Variants in BBS9 observed in about 807,000 individuals in gnomAD.
BBS9 encodes protein PTHB1.
A neutral mutation model predicts 117.7 loss-of-function variants in BBS9; 89 were observed. The ratio of observed to expected loss-of-function variants is 0.76; its 90% CI spans 0.64 to 0.90. The LOEUF (loss-of-function observed/expected upper bound fraction) is 0.90, where lower values mean the gene tolerates loss of function less well. Among genes scored for constraint, BBS9 ranks in the 40% least tolerant of loss-of-function variants. The probability of loss-of-function intolerance (pLI) is 0.00; values close to 1 mark genes in which losing one functional copy is unlikely to be tolerated. For missense variants in BBS9, 982 were observed against 1,042.2 expected (o/e 0.94, Z 0.80); for synonymous variants, 379 against 370.9 (o/e 1.02, Z -0.25).
intron 7 of BBS9, among the ~76,000 whole-genome samples, chr7:33,271,637 T>C (rs1799818516): frequency 6.6e-6 from 1 of 152,204 alleles, no homozygotes; most frequent in South Asian, 2.1e-4. Flanking sequence ...AGTAAAGGGT[T>C]CAATTCAACA....
intron 19 of BBS9, among the ~76,000 whole-genome samples, chr7:33,486,074 A>C (rs1291092680): frequency 6.6e-6 from 1 of 152,178 alleles, no homozygotes; most frequent in Non-Finnish European, 1.5e-5. Flanking sequence ...AAACCGAAGC[A>C]GCCTCCATCT....
chr7:33,264,318 G>A lies in BBS9; in HGVS notation c.646G>A (p.Ala216Thr). ...CCAGGTACTTGCTTTTGCAACAGAT[G>A]CAGATAAAAGGCAGGAGACTGAACA... The part of the protein sequence containing the change: ...KYQVLAFATD[A>T]DKRQETEQQK... The change falls in exon 7 of 23, where the codon GCA becomes ACA. Residue 216 changes from alanine (A) to threonine (T), a missense_variant. Ala to Thr is a moderately conservative substitution (Grantham distance 58, BLOSUM62 0). Transcript: ENST00000242067. 2 of 1,561,234 alleles carry A rather than the reference G, an allele frequency of 1.3e-6. No homozygotes were observed. The highest frequency in any genetic ancestry group is 1.7e-6 in the Non-Finnish European group (2 of 1,153,096).
intron 19 of BBS9, 104 bp downstream of exon 19, chr7:33,388,248 G>A (rs1826396533): frequency 7.1e-7 from 1 of 1,403,706 alleles, no homozygotes; most frequent in Non-Finnish European, 1.0e-6. Flanking sequence ...CATTTCCAGT[G>A]CTTTAAGGAA....
At chr7:33,408,210 C>T (rs566952085) in intron 19 of BBS9, among the ~76,000 whole-genome samples, 170 of 152,076 alleles carry the variant, frequency 1.1e-3, no homozygotes, top group Middle Eastern at 6.8e-3. Flanking sequence ...TAGCAATCAG[C>T]GAGACTCCAT....
At chr7:33,370,986 G>A (rs1287464445) in intron 17 of BBS9, among the ~76,000 whole-genome samples, 1 of 152,098 alleles carries the variant, frequency 6.6e-6, no homozygotes, top group African/African-American at 2.4e-5. Context: ...ACTAATAAAG[G>A]TAGAAATAAG....
intron 9 of BBS9, among the ~76,000 whole-genome samples, chr7:33,279,678 T>C (rs958202384): frequency 6.6e-6 from 1 of 152,206 alleles, no homozygotes; most frequent in Non-Finnish European, 1.5e-5. Context: ...GTTTATTACA[T>C]ACCAGTTCCA....
chr7:33,192,994 G>T (rs1256128443), intron 5 of BBS9, among the ~76,000 whole-genome samples: 1 of 152,138 alleles, frequency 6.6e-6, no homozygotes, highest in African/African-American at 2.4e-5. Flanking sequence ...TTTGGATGAC[G>T]TTCAGACCAT....
chr7:33,454,246 G>A (rs572615151), intron 19 of BBS9, among the ~76,000 whole-genome samples: 14 of 152,296 alleles, frequency 9.2e-5, no homozygotes, highest in South Asian at 8.3e-4. Context: ...ATAAAGAAAT[G>A]TATGAGTTCA....
intron 19 of BBS9, among the ~76,000 whole-genome samples, chr7:33,419,897 A>G (rs1225745003): frequency 1.3e-5 from 2 of 152,178 alleles, no homozygotes; most frequent in Non-Finnish European, 1.5e-5. Context: ...TCAAAGAGAA[A>G]AAAGAAAACA....
intron 4 of BBS9, among the ~76,000 whole-genome samples, chr7:33,173,271 G>A (rs1361983437): frequency 6.6e-6 from 1 of 152,100 alleles, no homozygotes; most frequent in African/African-American, 2.4e-5. Context: ...TTTATAAAGA[G>A]TCTTTTAATA....
At chr7:33,551,134 G>A (rs1563346595) in intron 21 of BBS9, among the ~76,000 whole-genome samples, 1 of 152,074 alleles carries the variant, frequency 6.6e-6, no homozygotes, top group Non-Finnish European at 1.5e-5. Context: ...GATATTTTTA[G>A]CATTTGTTAA....
At chr7:33,521,612 A>G (rs927217943) in intron 20 of BBS9, among the ~76,000 whole-genome samples, 3 of 131,332 alleles carry the variant, frequency 2.3e-5, no homozygotes, top group African/African-American at 8.8e-5. Flanking sequence ...ATTAAAGCTG[A>G]TTTTTTTCAG....
At chr7:33,502,329 A>T (rs1845571424) in intron 19 of BBS9, among the ~76,000 whole-genome samples, 3 of 152,152 alleles carry the variant, frequency 2.0e-5, no homozygotes, top group Admixed American at 2.0e-4. Context: ...GTGGATTTTC[A>T]TGTAGTAAAT....
intron 5 of BBS9, among the ~76,000 whole-genome samples, chr7:33,230,754 TG>T (rs1239029871): frequency 1.3e-5 from 2 of 152,328 alleles, no homozygotes; most frequent in Non-Finnish European, 2.9e-5. Flanking sequence ...GACATTATTT[TG>T]TTCTTTATGA....
chr7:33,490,639 C>T (rs1354947419), intron 19 of BBS9, among the ~76,000 whole-genome samples: 22 of 152,200 alleles, frequency 1.4e-4, no homozygotes, highest in Admixed American at 1.4e-3. Flanking sequence ...AAGGTTCATG[C>T]AGCACCTAAC....
intron 21 of BBS9, among the ~76,000 whole-genome samples, chr7:33,536,695 G>GCCTTCCCCCCGCCCCCCA (rs1851464560): frequency 4.4e-5 from 2 of 45,012 alleles, no homozygotes; most frequent in African/African-American, 1.7e-4. Flanking sequence ...CCCGCCCCCC[G>GCCTTCCCCCCGCCCCCCA]CCTCCCCCCA....
intron 19 of BBS9, among the ~76,000 whole-genome samples, chr7:33,438,431 A>G (rs1343126219): frequency 6.6e-6 from 1 of 152,264 alleles, no homozygotes; most frequent in Non-Finnish European, 1.5e-5. Flanking sequence ...GGAAAGGAGT[A>G]TGTAAAGAAT....
chr7:33,603,449 A>G (rs1864104164), intron 21 of BBS9, among the ~76,000 whole-genome samples: 1 of 152,148 alleles, frequency 6.6e-6, no homozygotes, highest in South Asian at 2.1e-4. Context: ...CCACCGTGTG[A>G]CAAGACTGGA....
chr7:33,367,234 A>G (rs756437460), intron 16 of BBS9, among the ~76,000 whole-genome samples: 2 of 152,164 alleles, frequency 1.3e-5, no homozygotes, highest in Non-Finnish European at 2.9e-5. Context: ...AAATAAATAG[A>G]GCTTAAAATA....
Sources: gnomAD v4.1 joint callset for allele counts (sites outside exome capture counted in the v4.1 genomes callset) on GRCh38, gnomAD v4.1.1 for gene constraint, MANE v1.5 for transcripts, NCBI Gene and HGNC (gene_info 2026-07-23, HGNC 2026-07-21) for gene names.